ABCC3: variants seen among roughly 807,000 people sequenced by gnomAD.
The protein encoded by ABCC3 is ATP-binding cassette sub-family C member 3.
Under a neutral mutation model 165.3 loss-of-function variants are expected in ABCC3, and 121 were observed. That is an observed-to-expected ratio of 0.73 (90% CI 0.63 to 0.85). ABCC3 has a LOEUF of 0.85. Ranked by LOEUF, ABCC3 falls within the 40% of genes least tolerant of loss-of-function variation. The probability of loss-of-function intolerance (pLI) is 0.00; values close to 1 mark genes in which losing one functional copy is unlikely to be tolerated. For missense variants in ABCC3, 1,869 were observed against 1,964.1 expected, an observed-to-expected ratio of 0.95 and a Z score of 0.92; for synonymous variants, 733 against 810.1, an observed-to-expected ratio of 0.90 and a Z score of 1.62.
Position 50,657,178 on chromosome 17 carries a change from G to A in ABCC3, c.481G>A (p.Ala161Thr), listed in dbSNP as rs1456475635. Residue 161 changes from alanine (A) to threonine (T), a missense_variant, in exon 4 of 31, where the codon GCA (alanine) becomes ACA (threonine). Ala to Thr is a moderately conservative substitution (Grantham distance 58). Transcript: ENST00000285238. ...CCGCTCCAAGATCCTTTTAGCCAAGGCAGAGGTAAGGTTGGGGGAGAGGGG... is the reference window on the plus strand; with the variant it reads ...CCGCTCCAAGATCCTTTTAGCCAAGACAGAGGTAAGGTTGGGGGAGAGGGG... ...PFRSKILLAK[A>T]EGEISDPFRF... The A allele has an allele frequency of 2.0e-5, 32 of 1,613,824 alleles. No individual in the cohort carries two copies. The highest frequency in any genetic ancestry group is 2.5e-5 in the Non-Finnish European group (30 of 1,179,880).
chr17:50,635,392 T>C (rs2054170468), intron 1 of ABCC3: 1 of 679,678 alleles, frequency 1.5e-6, no homozygotes, highest in African/African-American at 1.8e-5. Flanking sequence ...AGGTTAGGAC[T>C]CGGTTGCCCA....
intron 30 of ABCC3, among the ~76,000 whole-genome samples, chr17:50,690,822 G>A (rs1387309682): frequency 2.0e-5 from 3 of 152,264 alleles, no homozygotes; most frequent in African/African-American, 7.2e-5. Flanking sequence ...CCCGGCAAGG[G>A]GAAGGGCTCA....
In ABCC3 at chr17:50,663,848, T is replaced by A; in HGVS notation, c.1166T>A (p.Ile389Asn). The change falls in exon 9 of 31, where the codon ATC becomes AAC. Residue 389 changes from isoleucine (I) to asparagine (N), a missense_variant. Coordinates refer to ENST00000285238, the MANE Select transcript of ABCC3 (RefSeq NM_003786.4). ...VKFRTGIMGV[I>N]YRKALVITNS... ...TTTCGTACTGGGATCATGGGTGTCA[T>A]CTACAGGAAGGTCAGCTGGAGCAGG... The A allele has an allele frequency of 6.2e-7, 1 of 1,614,148 alleles. No homozygotes were observed. The highest frequency in any genetic ancestry group is 8.5e-7 in the Non-Finnish European group (1 of 1,180,020).
At chr17:50,652,382 T>C (rs1253226845) in intron 1 of ABCC3, among the ~76,000 whole-genome samples, 1 of 139,276 alleles carries the variant, frequency 7.2e-6, no homozygotes, top group Non-Finnish European at 1.6e-5. Flanking sequence ...TTGAATAAGA[T>C]TCGTGAAGGA....
At chr17:50,674,450 G>A (rs1451569535) in intron 19 of ABCC3, 1 of 152,156 alleles carries the variant, frequency 6.6e-6, no homozygotes, top group Non-Finnish European at 1.5e-5. Context: ...TAAATAGTTT[G>A]GCAAGTATGC....
chr17:50,676,255 G>C, intron 22 of ABCC3, 23 bp from the exon 23 acceptor site: 1 of 1,602,276 alleles, frequency 6.2e-7, no homozygotes, highest in Non-Finnish European at 8.5e-7. Flanking sequence ...AGGTGAGCCA[G>C]CGCCCTCTGC....
intron 4 of ABCC3, 41 bp downstream of exon 4, chr17:50,657,224 G>A: frequency 1.9e-6 from 3 of 1,602,210 alleles, no homozygotes; most frequent in Non-Finnish European, 2.6e-6. Context: ...GTTTAGCCCT[G>A]ATAGGAGGGT....
rs1567835706 is a variant in ABCC3 at position 50,674,026 on chromosome 17, C to CTTTCTTTCTTTCTT, written c.2599+369_2599+370insTTCTTTCTTTCTTT. On this transcript the variant is annotated intron_variant, in intron 19 of 30. Coordinates refer to ENST00000285238, the MANE Select transcript of ABCC3 (RefSeq NM_003786.4). The stretch of plus-strand genomic sequence containing the variant: ...TCTCTCTCTCTCTCTCTCTCTCTCT[C>CTTTCTTTCTTTCTT]TCTCTCTCTCTTTCTTTCTTTCTTT... Among the ~76,000 whole-genome samples the CTTTCTTTCTTTCTT allele has an allele frequency of 1.3e-3, 7 of 5,548 alleles. 2 individuals carry two copies. Among genetic ancestry groups the CTTTCTTTCTTTCTT allele is most frequent in the Non-Finnish European group, 2.1e-3 (6 of 2,816 alleles). The allele number at this position is 5,548 out of a possible 152,430, so 3.6% of individuals were successfully genotyped here.
chr17:50,661,121 CCA>C lies in ABCC3; in HGVS notation c.998+11_998+12del. The stretch of plus-strand genomic sequence containing the variant: ...TCAATCCACAGCTGCTCAGGTCTCT[CCA>C]CACTCCGGCTCACTATAGCCCTGCC... On this transcript the variant is annotated splice_region_variant and intron_variant, in intron 8 of 30. Transcript: ENST00000285238. 5 of 1,608,664 alleles carry C rather than the reference CCA, an allele frequency of 3.1e-6. No individual in the cohort carries two copies. Among genetic ancestry groups the C allele is most frequent in the Non-Finnish European group, 4.3e-6 (5 of 1,176,396 alleles).
chr17:50,687,592 T>C lies in ABCC3; in HGVS notation c.4337T>C (p.Ile1446Thr). Reference sequence around the variant, plus strand: ...CGAGCCCTGCTCCGCAAGAGCCGCATCCTGGTTTTAGACGAGGCCACAGCT... The same window carrying C: ...CGAGCCCTGCTCCGCAAGAGCCGCACCCTGGTTTTAGACGAGGCCACAGCT... Reference protein sequence around the residue: ...LARALLRKSRILVLDEATAAI... With the variant: ...LARALLRKSRTLVLDEATAAI... Residue 1446 changes from isoleucine (I) to threonine (T), a missense_variant, in exon 30 of 31, where the codon ATC becomes ACC. Ile to Thr is a moderately conservative substitution (Grantham distance 89). Coordinates refer to ENST00000285238, the MANE Select transcript of ABCC3 (RefSeq NM_003786.4). 1 of 1,614,220 alleles carries C rather than the reference T, an allele frequency of 6.2e-7. No individual in the cohort carries two copies. Among genetic ancestry groups the C allele is most frequent in the Non-Finnish European group, 8.5e-7 (1 of 1,180,042 alleles).
Position 50,659,313 on chromosome 17 carries a change from A to C in ABCC3, c.751A>C (p.Met251Leu). ...WSLKEEDRSQ[M>L]VVQQLLEAWR... ...CCTAAAGGAAGAGGACAGATCCCAG[A>C]TGGTGGTGCAGCAGCTGCTGGAGGC... is the stretch of plus-strand genomic sequence containing the variant. The change falls in exon 7 of 31, where the codon ATG becomes CTG. Residue 251 changes from methionine to leucine, a missense_variant. Transcript: ENST00000285238. The C allele has an allele frequency of 6.2e-7, 1 of 1,613,540 alleles. No individual in the cohort carries two copies. Among genetic ancestry groups the C allele is most frequent in the Non-Finnish European group, 8.5e-7 (1 of 1,179,578 alleles).
intron 29 of ABCC3, chr17:50,687,296 C>G (rs1357718571): frequency 4.1e-6 from 2 of 485,888 alleles, no homozygotes; most frequent in Non-Finnish European, 7.4e-6. Context: ...CCAAGGGTGC[C>G]AAGAGCAGAC....
At chr17:50,657,483 G>A (rs1355296421) in intron 4 of ABCC3, among the ~76,000 whole-genome samples, 1 of 152,240 alleles carries the variant, frequency 6.6e-6, no homozygotes, top group Non-Finnish European at 1.5e-5. Context: ...CAGTGCCTGT[G>A]TAATGAACAC....
chr17:50,661,190 A>G, intron 8 of ABCC3, 76 bp downstream of exon 8: 3 of 1,432,390 alleles, frequency 2.1e-6, no homozygotes, highest in Non-Finnish European at 2.8e-6. Context: ...GGAAGGAACA[A>G]CGTACAGTGA....
intron 30 of ABCC3, among the ~76,000 whole-genome samples, chr17:50,689,187 A>G (rs1271273259): frequency 6.6e-6 from 1 of 152,254 alleles, no homozygotes; most frequent in East Asian, 1.9e-4. Context: ...TCTGCCTCAA[A>G]AAAAAGAAAA....
intron 1 of ABCC3, among the ~76,000 whole-genome samples, chr17:50,648,406 C>T (rs1967046264): frequency 1.3e-5 from 2 of 152,182 alleles, no homozygotes; most frequent in African/African-American, 4.8e-5. Flanking sequence ...GATACTTATC[C>T]ATCTCCTCTC....
chr17:50,692,240 C>G lies in ABCC3; in HGVS notation c.*1040C>G, dbSNP rs1302578601. 7.2e-6 allele frequency: 1 copy of G among 138,580 alleles called. No individual in the cohort carries two copies. Among genetic ancestry groups the G allele is most frequent in the Non-Finnish European group, 1.6e-5 (1 of 61,286 alleles). 8.6% of individuals were successfully genotyped at this position (138,580 alleles called of 1,614,324 possible). A position where few individuals can be genotyped will look rare whatever the true frequency, so the allele number is the denominator to read the frequency against. ...GTGAGGGGTGAATTAAATTTGTTTT[C>G]TTGAGCAAGCCAACAAAGAGTTTCT... On this transcript the variant is annotated 3_prime_UTR_variant, in exon 31 of 31. Coordinates refer to ENST00000285238, the MANE Select transcript of ABCC3 (RefSeq NM_003786.4).
At chr17:50,651,460 C>T (rs1302111361) in intron 1 of ABCC3, among the ~76,000 whole-genome samples, 2 of 152,154 alleles carry the variant, frequency 1.3e-5, no homozygotes, top group Admixed American at 6.5e-5. Context: ...TGGTGGCTCA[C>T]GCCTGTAATC....
chr17:50,636,243 T>C (rs1017205087), intron 1 of ABCC3, among the ~76,000 whole-genome samples: 5 of 152,244 alleles, frequency 3.3e-5, no homozygotes, highest in Non-Finnish European at 5.9e-5. Flanking sequence ...ACGTGGGGTG[T>C]TACCCAAGAG....
Sources: allele counts gnomAD v4.1 joint callset (sites outside exome capture counted in the v4.1 genomes callset), GRCh38; gene constraint gnomAD v4.1.1; transcripts MANE v1.5; gene names NCBI Gene and HGNC (gene_info 2026-07-23, HGNC 2026-07-21).